Variants in ACOT1 observed in about 807,000 individuals in gnomAD.
The protein encoded by ACOT1 is acyl-CoA thioesterase 1.
A neutral mutation model predicts 15.7 loss-of-function variants in ACOT1; 8 were observed. The ratio of observed to expected loss-of-function variants is 0.51; its 90% CI spans 0.30 to 0.92. The LOEUF is 0.92. ACOT1 is among the 40% of genes least tolerant of loss of function. The pLI, the probability that ACOT1 is intolerant of heterozygous loss-of-function variation, is 0.06. For synonymous variants in ACOT1, 67 were observed against 241.2 expected (o/e 0.28, Z 6.69); for missense variants, 151 against 539.4 (o/e 0.28, Z 7.13).
chr14:73,508,862 T>TA, the ACOT1 span, among the ~76,000 whole-genome samples: 1 of 152,044 alleles, frequency 6.6e-6, no homozygotes, highest in African/African-American at 2.4e-5. Flanking sequence ...TCCTTTTTTT[T>TA]AGAGACAGGG....
the ACOT1 span, chr14:73,514,354 A>G: frequency 1.2e-6 from 1 of 807,374 alleles, no homozygotes; most frequent in Non-Finnish European, 2.0e-6. Context: ...CAAAACCCTC[A>G]AGAGTGAATT....
chr14:73,497,146 T>C, the ACOT1 span, among the ~76,000 whole-genome samples: 1 of 152,228 alleles, frequency 6.6e-6, no homozygotes, highest in Non-Finnish European at 1.5e-5. Flanking sequence ...TCCACCCGCC[T>C]TGGCCTCCCA....
chr14:73,506,804 G>GTTTTTTTTTTTTTTGTTT, the ACOT1 span, among the ~76,000 whole-genome samples: 7 of 80,524 alleles, frequency 8.7e-5, 1 homozygote, highest in African/African-American at 2.4e-4. Context: ...GACTTTAACT[G>GTTTTTTTTTTTTTTGTTT]TTTTTTTTTT....
In ACOT1 at chr14:73,538,636, T is replaced by C. The variant is rs1595154417; in HGVS notation, c.457+758T>C. Among the ~76,000 whole-genome samples the C allele has an allele frequency of 2.1e-5, 2 of 96,670 alleles. 1 individual carries two copies. Among genetic ancestry groups the C allele is most frequent in the Non-Finnish European group, 4.3e-5 (2 of 46,576 alleles). The allele number at this position is 96,670 out of a possible 152,430, so 63.4% of individuals were successfully genotyped here. A position where few individuals can be genotyped will look rare whatever the true frequency, so the allele number is the denominator to read the frequency against. Reference sequence around the variant, plus strand: ...CAAAAAAAAAAAAAAAAAAAGGCATTGTAAGGAAAGAGAAAAGACACATAA... The same window carrying C: ...CAAAAAAAAAAAAAAAAAAAGGCATCGTAAGGAAAGAGAAAAGACACATAA... On this transcript the variant is annotated intron_variant, in intron 1 of 2. Transcript: ENST00000311148.
the ACOT1 span, among the ~76,000 whole-genome samples, chr14:73,519,469 G>A: frequency 0.013 from 1,966 of 152,328 alleles, 39 homozygotes; most frequent in African/African-American, 0.045. Context: ...CCTATGGCCG[G>A]GTGTGGTGGC....
the ACOT1 span, among the ~76,000 whole-genome samples, chr14:73,524,245 A>T: frequency 6.8e-6 from 1 of 145,994 alleles, no homozygotes; most frequent in Admixed American, 7.1e-5. Flanking sequence ...GTGAGCCAAG[A>T]TCATGCCATT....
At chr14:73,535,780 C>G (rs1888849427), upstream of ACOT1, among the ~76,000 whole-genome samples, 1 of 114,696 alleles carries the variant, frequency 8.7e-6, no homozygotes, top group African/African-American at 2.8e-5. Context: ...CGCCTGGCCC[C>G]TTTTTCTTGT....
the ACOT1 span, chr14:73,522,841 A>G: frequency 6.2e-7 from 1 of 1,614,162 alleles, no homozygotes. Context: ...TCTGGGGAGT[A>G]TGGATGATGT....
chr14:73,513,979 T>A, the ACOT1 span: 1 of 1,562,530 alleles, frequency 6.4e-7, no homozygotes, highest in African/African-American at 1.3e-5. Context: ...TAGTCCCAGA[T>A]GAGAACCACT....
At chr14:73,530,923 G>A in the ACOT1 span, 2 of 100,506 alleles carry the variant, frequency 2.0e-5, 1 homozygote, top group East Asian at 1.7e-3. Context: ...ACAGGCATGA[G>A]CCACTGCACC....
chr14:73,516,929 C>T, the ACOT1 span, among the ~76,000 whole-genome samples: 4 of 152,306 alleles, frequency 2.6e-5, no homozygotes, highest in Non-Finnish European at 2.9e-5. Context: ...TCCACGAAAC[C>T]GGTCCCTGGT....
the ACOT1 span, chr14:73,519,232 T>C: frequency 1.3e-6 from 2 of 1,490,070 alleles, no homozygotes; most frequent in Admixed American, 3.9e-5. Context: ...GGGTTCCTAA[T>C]CACCAGGATC....
the ACOT1 span, chr14:73,493,060 AT>A: frequency 4.2e-4 from 672 of 1,604,164 alleles, 2 homozygotes; most frequent in African/African-American, 8.5e-3. Flanking sequence ...GTGTGCTCAC[AT>A]TTACCTTTAT....
chr14:73,509,247 G>A, the ACOT1 span: 27 of 1,483,526 alleles, frequency 1.8e-5, no homozygotes, highest in South Asian at 2.9e-4. Flanking sequence ...GGAAAGGACT[G>A]GGAAAGCTGA....
the ACOT1 span, among the ~76,000 whole-genome samples, chr14:73,521,344 T>C: frequency 6.6e-6 from 1 of 152,230 alleles, no homozygotes; most frequent in South Asian, 2.1e-4. Flanking sequence ...ATTCGTACTC[T>C]TAGAGGCGGC....
At chr14:73,494,817 T>C in the ACOT1 span, among the ~76,000 whole-genome samples, 27 of 152,248 alleles carry the variant, frequency 1.8e-4, no homozygotes, top group South Asian at 5.4e-3. Flanking sequence ...CACCATGGCC[T>C]CCCAAAGCAC....
the ACOT1 span, chr14:73,491,596 C>T: frequency 1.9e-6 from 3 of 1,546,372 alleles, no homozygotes; most frequent in African/African-American, 2.7e-5. Context: ...CCGAGCTGAA[C>T]CGCATCCCCA....
chr14:73,491,324 G>T, the ACOT1 span: 1 of 1,499,226 alleles, frequency 6.7e-7, no homozygotes, highest in Non-Finnish European at 8.9e-7. Context: ...CCTGGGGCCC[G>T]CAGAGCTGCT....
chr14:73,494,181 G>A, the ACOT1 span, among the ~76,000 whole-genome samples: 2 of 152,206 alleles, frequency 1.3e-5, no homozygotes, highest in African/African-American at 4.8e-5. Flanking sequence ...AATCTGACAA[G>A]TGAATATTCT....
Sources: allele counts gnomAD v4.1 joint callset (sites outside exome capture counted in the v4.1 genomes callset), GRCh38; gene constraint gnomAD v4.1.1; transcripts MANE v1.5; gene names NCBI Gene and HGNC (gene_info 2026-07-23, HGNC 2026-07-21).